SLC27A1: variants seen among roughly 807,000 people sequenced by gnomAD.
SLC27A1 encodes solute carrier family 27 member 1.
A neutral mutation model predicts 62.2 loss-of-function variants in SLC27A1; 61 were observed. That is an observed-to-expected ratio of 0.98 (90% CI 0.80 to 1.21). The LOEUF is 1.21. SLC27A1 is among the 50% of genes most tolerant of loss of function. The pLI is 0.00. For missense variants in SLC27A1, 903 were observed against 932.1 expected, an observed-to-expected ratio of 0.97 and a Z score of 0.41; for synonymous variants, 435 against 408.6, an observed-to-expected ratio of 1.06 and a Z score of -0.78.
At chr19:17,476,406 C>T (rs779026105) in intron 1 of SLC27A1, among the ~76,000 whole-genome samples, 2 of 151,962 alleles carry the variant, frequency 1.3e-5, no homozygotes, top group East Asian at 1.9e-4. Flanking sequence ...GGCGTGGTAG[C>T]GGGCACCTGT....
At chr19:17,469,678 C>T (rs899701023), upstream of SLC27A1, among the ~76,000 whole-genome samples, 13 of 152,018 alleles carry the variant, frequency 8.6e-5, no homozygotes, top group African/African-American at 3.1e-4. Context: ...GCTCTGCGGG[C>T]TGAGGGGCTT....
chr19:17,484,553 T>G (rs574592131), intron 1 of SLC27A1, among the ~76,000 whole-genome samples: 214 of 151,458 alleles, frequency 1.4e-3, no homozygotes, highest in Admixed American at 2.8e-3. Context: ...TGGACTCTAG[T>G]CTGGGCGACA....
At chr19:17,475,406 C>A (rs1434177457) in intron 1 of SLC27A1, among the ~76,000 whole-genome samples, 2 of 152,044 alleles carry the variant, frequency 1.3e-5, no homozygotes, top group African/African-American at 4.8e-5. Context: ...GGGAGTGGGG[C>A]TCTCCTGTGG....
At chr19:17,504,039 C>T (rs1195948096) in intron 11 of SLC27A1, among the ~76,000 whole-genome samples, 2 of 151,362 alleles carry the variant, frequency 1.3e-5, no homozygotes, top group East Asian at 1.9e-4. Context: ...CCTGCCTTGG[C>T]GTCCCAAAGT....
Position 17,502,335 on chromosome 19 carries a change from GTTTTTTTTGTTTTTTTTTT to G in SLC27A1, c.1783+925_1783+943del, listed in dbSNP as rs1399652942. On this transcript the variant is annotated intron_variant, in intron 11 of 11. Coordinates refer to ENST00000252595, the MANE Select transcript of SLC27A1 (RefSeq NM_198580.3). The stretch of plus-strand genomic sequence containing the variant: ...CTGCCACTAAGCATTCTGAAATAGT[GTTTTTTTTGTTTTTTTTTT>G]TTTTTTTTTTTTTTTGAGATGGAGT... 3.6e-4 allele frequency among the ~76,000 whole-genome samples: 27 copies of G among 75,902 alleles called. No individual in the cohort carries two copies. In the South Asian group the frequency reaches 0.012, roughly 33 times the overall value. 49.8% of individuals were successfully genotyped at this position (75,902 alleles called of 152,430 possible). A position where few individuals can be genotyped will look rare whatever the true frequency, so the allele number is the denominator to read the frequency against.
chr19:17,491,737 G>T (rs1367673476), intron 6 of SLC27A1, among the ~76,000 whole-genome samples: 3 of 151,962 alleles, frequency 2.0e-5, no homozygotes, highest in Non-Finnish European at 4.4e-5. Flanking sequence ...AGCTGGTTGT[G>T]GTGGTTTGTG....
chr19:17,488,981 A>AC (rs1416116765), intron 5 of SLC27A1, 27 bp from the exon 6 acceptor site: 2 of 1,613,110 alleles, frequency 1.2e-6, no homozygotes, highest in South Asian at 2.2e-5. Context: ...GGGGCGGGGG[A>AC]CCCCTTACCA....
intron 1 of SLC27A1, among the ~76,000 whole-genome samples, chr19:17,484,476 C>T (rs923460171): frequency 1.3e-5 from 2 of 151,932 alleles, no homozygotes; most frequent in Non-Finnish European, 2.9e-5. Flanking sequence ...CCTGTAGTCT[C>T]AGCTACTAGG....
At chr19:17,494,868 C>G (rs1022560998) in intron 6 of SLC27A1, among the ~76,000 whole-genome samples, 1 of 151,580 alleles carries the variant, frequency 6.6e-6, no homozygotes, top group Non-Finnish European at 1.5e-5. Flanking sequence ...TGGGGGCTGC[C>G]AGAGATTTGC....
chr19:17,474,529 G>A (rs898066699), intron 1 of SLC27A1, among the ~76,000 whole-genome samples: 4 of 152,064 alleles, frequency 2.6e-5, no homozygotes, highest in African/African-American at 7.2e-5. Flanking sequence ...GCCTGTGGGT[G>A]GCAGCTTTGA....
At chr19:17,478,091 C>T (rs769018491) in intron 1 of SLC27A1, among the ~76,000 whole-genome samples, 12 of 152,134 alleles carry the variant, frequency 7.9e-5, no homozygotes, top group Non-Finnish European at 1.6e-4. Flanking sequence ...CACATATTTT[C>T]TCCATGAGGC....
chr19:17,500,761 T>C lies in SLC27A1; in HGVS notation c.1521T>C (p.Arg507=). 1.2e-6 allele frequency: 2 copies of C among 1,613,734 alleles called. No homozygotes were observed. Among genetic ancestry groups the C allele is most frequent in the African/African-American group, 2.7e-5 (2 of 75,060 alleles). ...TGGGCTACATGTACTTCCGGGACCG[T>C]AGCGGGGACACCTTCCGCTGGCGAG... is the stretch of plus-strand genomic sequence containing the variant. ...DELGYMYFRD[R]SGDTFRWRGE... The change falls in exon 10 of 12, where the codon CGT becomes CGC. Residue 507 remains arginine, a synonymous_variant. Coordinates refer to ENST00000252595, the MANE Select transcript of SLC27A1 (RefSeq NM_198580.3).
chr19:17,487,018 G>A (rs767594915), intron 2 of SLC27A1, 61 bp downstream of exon 2: 44 of 1,538,782 alleles, frequency 2.9e-5, no homozygotes. Context: ...GGGCGGGCGG[G>A]GAGATGCTGC....
intron 1 of SLC27A1, among the ~76,000 whole-genome samples, chr19:17,482,032 G>C (rs2075183397): frequency 6.6e-6 from 1 of 152,132 alleles, no homozygotes; most frequent in Admixed American, 6.6e-5. Context: ...GAGAGTCCCA[G>C]ATGCCTCTCT....
At position 17,494,534 on chromosome 19, in the gene SLC27A1, C is replaced by T. The variant is rs1401247230; in HGVS notation, c.997-2721C>T. Among the ~76,000 whole-genome samples the T allele has an allele frequency of 1.7e-4, 26 of 151,318 alleles. No individual in the cohort carries two copies. In the Admixed American group the frequency reaches 1.7e-3, roughly 10 times the overall value. On this transcript the variant is annotated intron_variant, in intron 6 of 11. Coordinates refer to ENST00000252595, the MANE Select transcript of SLC27A1 (RefSeq NM_198580.3). Reference sequence around the variant, plus strand: ...TAGAGATGGGGTTTCACCATGTTGGCCAGGCTGGTCTCGAACTCCTGACCT... The same window carrying T: ...TAGAGATGGGGTTTCACCATGTTGGTCAGGCTGGTCTCGAACTCCTGACCT...
At chr19:17,497,070 A>T (rs2075357085) in intron 6 of SLC27A1, 185 bp from the exon 7 acceptor site, 1 of 540,854 alleles carries the variant, frequency 1.8e-6, no homozygotes, top group Non-Finnish European at 3.2e-6. Flanking sequence ...CAAGAGACTG[A>T]ACGAGTCCTA....
At chr19:17,504,427 C>T (rs2075452752) in intron 11 of SLC27A1, 28 bp from the exon 12 acceptor site, 1 of 1,613,668 alleles carries the variant, frequency 6.2e-7, no homozygotes, top group Non-Finnish European at 8.5e-7. Context: ...CCTGCTCAGC[C>T]CTTATCTGCC....
At position 17,505,043 on chromosome 19, in the gene SLC27A1, G is replaced by A. The variant is rs533328309; in HGVS notation, c.*431G>A. 33 of 359,122 alleles carry A rather than the reference G, an allele frequency of 9.2e-5. No homozygotes were observed. Among genetic ancestry groups the A allele is most frequent in the Middle Eastern group, 2.0e-3 (2 of 998 alleles). 22.2% of individuals were successfully genotyped at this position (359,122 alleles called of 1,614,324 possible). On this transcript the variant is annotated 3_prime_UTR_variant, in exon 12 of 12. Transcript: ENST00000252595. ...TGAGTAGCTGGGATTACAGGCACCC[G>A]CCACCACGTCCAGCTAATTTTTATA...
At chr19:17,485,239 G>T (rs1446112159) in intron 1 of SLC27A1, among the ~76,000 whole-genome samples, 2 of 145,446 alleles carry the variant, frequency 1.4e-5, no homozygotes, top group Non-Finnish European at 3.0e-5. Flanking sequence ...GCCCAGGCTG[G>T]AGTGAATTTG....
Sources: allele counts gnomAD v4.1 joint callset (sites outside exome capture counted in the v4.1 genomes callset), GRCh38; gene constraint gnomAD v4.1.1; transcripts MANE v1.5; gene names NCBI Gene and HGNC (gene_info 2026-07-23, HGNC 2026-07-21).